The following SPINK5 variants were observed in gnomAD, a reference collection of about 807,000 sequenced individuals.
SPINK5 encodes the protein serine protease inhibitor Kazal-type 5.
Under a neutral mutation model 151.8 loss-of-function variants are expected in SPINK5, and 125 were observed. That is an observed-to-expected ratio of 0.82 (90% confidence interval 0.71 to 0.96). The LOEUF is 0.96. Ranked by LOEUF, SPINK5 falls within the 40% of genes least tolerant of loss-of-function variation. SPINK5 has a pLI of 0.00. For missense variants in SPINK5, 1,194 were observed against 1,291.9 expected (o/e 0.92, Z 1.16); for synonymous variants, 374 against 395.3 (o/e 0.95, Z 0.64).
At chr5:148,133,543 A>C (rs1754623920) in intron 31 of SPINK5, among the ~76,000 whole-genome samples, 1 of 152,146 alleles carries the variant, frequency 6.6e-6, no homozygotes, top group Non-Finnish European at 1.5e-5. Context: ...GTTTATTTCC[A>C]ACATTCTCTA....
intron 1 of SPINK5, among the ~76,000 whole-genome samples, 171 bp downstream of exon 1, chr5:148,064,270 T>C (rs1159540021): frequency 2.6e-5 from 4 of 152,236 alleles, no homozygotes; most frequent in African/African-American, 7.2e-5. Flanking sequence ...TTTATAATTA[T>C]GTTGTTATCT....
chr5:148,068,081 T>C (rs1187791227), intron 2 of SPINK5, among the ~76,000 whole-genome samples: 1 of 152,178 alleles, frequency 6.6e-6, no homozygotes, highest in East Asian at 1.9e-4. Flanking sequence ...TTAGGATCAA[T>C]TATATTCATC....
At chr5:148,069,513 A>G (rs1310885129) in intron 2 of SPINK5, among the ~76,000 whole-genome samples, 1 of 149,714 alleles carries the variant, frequency 6.7e-6, no homozygotes, top group African/African-American at 2.5e-5. Context: ...GCCTTATGCA[A>G]TTATTGAGAA....
intron 2 of SPINK5, among the ~76,000 whole-genome samples, chr5:148,069,955 A>G (rs1292053655): frequency 6.6e-6 from 1 of 152,098 alleles, no homozygotes; most frequent in Non-Finnish European, 1.5e-5. Flanking sequence ...TCAATGCTCA[A>G]ACACCTTGCC....
chr5:148,125,599 G>A, intron 28 of SPINK5, 124 bp from the exon 29 acceptor site: 3 of 1,614,160 alleles, frequency 1.9e-6, no homozygotes, highest in Non-Finnish European at 2.5e-6. Context: ...GGCCTCTGTT[G>A]CCAGGATGAG....
chr5:148,077,496 A>C (rs1019603443), intron 4 of SPINK5, among the ~76,000 whole-genome samples: 1 of 151,226 alleles, frequency 6.6e-6, no homozygotes, highest in East Asian at 2.0e-4. Context: ...AGCTGAAAGG[A>C]AATAACTACC....
At chr5:148,099,360 G>C (rs781090194) in intron 12 of SPINK5, 45 bp downstream of exon 12, 1 of 1,573,460 alleles carries the variant, frequency 6.4e-7, no homozygotes, top group Non-Finnish European at 8.7e-7. Context: ...GCTATAATTT[G>C]AACAAATTTT....
chr5:148,079,507 A>C (rs1007334636), intron 4 of SPINK5, among the ~76,000 whole-genome samples: 9 of 151,240 alleles, frequency 6.0e-5, no homozygotes, highest in African/African-American at 2.2e-4. Flanking sequence ...AAAATCCTTA[A>C]CAAGACACTG....
At chr5:148,112,531 G>A (rs1220546727) in intron 19 of SPINK5, among the ~76,000 whole-genome samples, 1 of 151,960 alleles carries the variant, frequency 6.6e-6, no homozygotes, top group East Asian at 1.9e-4. Flanking sequence ...AAATTAACTG[G>A]GCATGGTGGT....
At chr5:148,064,648 A>G (rs970499420) in intron 1 of SPINK5, among the ~76,000 whole-genome samples, 6 of 152,062 alleles carry the variant, frequency 3.9e-5, no homozygotes, top group Non-Finnish European at 4.4e-5. Context: ...AGATTTTTAT[A>G]TTTGCTATTT....
chr5:148,068,578 A>AAAAAAAAAAAAAAAAAG (rs1554101972), intron 2 of SPINK5, among the ~76,000 whole-genome samples: 1 of 74,352 alleles, frequency 1.3e-5, no homozygotes, highest in Non-Finnish European at 2.2e-5. Flanking sequence ...AAAAAAAAAA[A>AAAAAAAAAAAAAAAAAG]AAAGAAAGAA....
At chr5:148,078,915 T>C (rs1752951747) in intron 4 of SPINK5, among the ~76,000 whole-genome samples, 1 of 150,168 alleles carries the variant, frequency 6.7e-6, no homozygotes, top group Non-Finnish European at 1.5e-5. Context: ...AAGAAACATA[T>C]AAGGATTGGA....
intron 8 of SPINK5, among the ~76,000 whole-genome samples, chr5:148,092,608 A>G (rs939806021): frequency 6.6e-6 from 1 of 151,856 alleles, no homozygotes; most frequent in Non-Finnish European, 1.5e-5. Context: ...CCTATAATTA[A>G]CTTGTCACTA....
rs201257370 is a variant in SPINK5, at chr5:148,064,036, G to A, written c.-9G>A. ...AGTGGACCTGTAGGCGACTTGCATC[G>A]TCTTCAACATGAAGATAGCCACAGT... On this transcript the variant is annotated 5_prime_UTR_variant, in exon 1 of 33. Coordinates refer to ENST00000256084, the MANE Select transcript of SPINK5 (RefSeq NM_006846.4). 34 of 1,614,094 alleles carry A rather than the reference G, an allele frequency of 2.1e-5. No individual in the cohort carries two copies. Among genetic ancestry groups the A allele is most frequent in the East Asian group, 1.1e-4 (5 of 44,872 alleles).
At chr5:148,133,005 T>C (rs11168031) in intron 31 of SPINK5, among the ~76,000 whole-genome samples, 82,454 of 152,038 alleles carry the variant, frequency 0.54, 23,513 homozygotes, top group Admixed American at 0.64. Flanking sequence ...AAATTATCCA[T>C]ATAATTTTCT....
intron 2 of SPINK5, 149 bp from the exon 3 acceptor site, chr5:148,070,174 T>C (rs947618296): frequency 1.3e-6 from 1 of 797,162 alleles, no homozygotes; most frequent in Non-Finnish European, 2.0e-6. Flanking sequence ...AGGCATTCTT[T>C]GAGGGCTTTA....
intron 7 of SPINK5, among the ~76,000 whole-genome samples, chr5:148,090,455 C>T (rs761958979): frequency 3.3e-5 from 5 of 151,610 alleles, no homozygotes; most frequent in Admixed American, 6.6e-5. Flanking sequence ...GAGACATGTT[C>T]TCTCAATGTT....
intron 31 of SPINK5, among the ~76,000 whole-genome samples, chr5:148,132,404 A>C (rs1754597547): frequency 6.6e-6 from 1 of 152,164 alleles, no homozygotes; most frequent in Non-Finnish European, 1.5e-5. Context: ...AAAAGAATTC[A>C]TCTTTTAGGT....
chr5:148,073,442 G>T (rs1296985365), intron 4 of SPINK5, among the ~76,000 whole-genome samples: 2 of 151,836 alleles, frequency 1.3e-5, no homozygotes, highest in South Asian at 4.1e-4. Context: ...TGTAGCAAAA[G>T]AGAGCTACTT....
Sources: gnomAD v4.1 joint callset for allele counts (sites outside exome capture counted in the v4.1 genomes callset) on GRCh38, gnomAD v4.1.1 for gene constraint, MANE v1.5 for transcripts, NCBI Gene and HGNC (gene_info 2026-07-23, HGNC 2026-07-21) for gene names.